PPM1E: variants seen among roughly 807,000 people sequenced by gnomAD.
The protein encoded by PPM1E is protein phosphatase 1E.
A neutral mutation model predicts 65.9 loss-of-function variants in PPM1E; 20 were observed. The observed-to-expected ratio is 0.30, with a 90% CI of 0.21 to 0.44. The LOEUF is 0.44. Ranked by LOEUF, PPM1E falls within the 20% of genes least tolerant of loss-of-function variation. The pLI is 1.00. For missense variants in PPM1E, 713 were observed against 953.1 expected (o/e 0.75, Z 3.32); for synonymous variants, 352 against 374.9 (o/e 0.94, Z 0.70).
rs200405305 is a variant in PPM1E, at chr17:58,831,904, G to A, written c.464+75443G>A. Among the ~76,000 whole-genome samples, 13 of 152,258 alleles carry A rather than the reference G, an allele frequency of 8.5e-5. No individual in the cohort carries two copies. The East Asian group carries it at 2.5e-3, about 29-fold the overall frequency. ...ATACATGTGTGCAGTCTGCTATTTT[G>A]AATCAGAAGTCCTGAAAGTCCAACA... On this transcript the variant is annotated intron_variant, in intron 1 of 6. Transcript: ENST00000308249.
chr17:58,880,865 C>T lies in PPM1E; in HGVS notation c.465-74784C>T, dbSNP rs192702956. ...CTGGTCTCAAACTCCTGAGCTCAAG[C>T]AATTTTTTTTTAAACTGGTGATGGT... On this transcript the variant is annotated intron_variant, in intron 1 of 6. Coordinates refer to ENST00000308249, the MANE Select transcript of PPM1E (RefSeq NM_014906.5). Among the ~76,000 whole-genome samples the T allele has an allele frequency of 8.6e-5, 13 of 152,024 alleles. No individual in the cohort carries two copies. The East Asian group carries it at 2.3e-3, about 27-fold the overall frequency.
chr17:58,884,970 T>C (rs1310585128), intron 1 of PPM1E, among the ~76,000 whole-genome samples: 3 of 152,258 alleles, frequency 2.0e-5, no homozygotes, highest in African/African-American at 7.2e-5. Flanking sequence ...AGTATCTTAT[T>C]TTTCTTTCAT....
At chr17:58,797,976 G>T (rs181966515) in intron 1 of PPM1E, among the ~76,000 whole-genome samples, 1 of 152,116 alleles carries the variant, frequency 6.6e-6, no homozygotes, top group African/African-American at 2.4e-5. Context: ...GGCTAGTCTC[G>T]TGGGCATGTA....
Position 58,985,126 on chromosome 17 carries a change from T to C in PPM1E, c.*4095T>C, listed in dbSNP as rs1163962930. On this transcript the variant is annotated 3_prime_UTR_variant, in exon 7 of 7. Coordinates refer to ENST00000308249, the MANE Select transcript of PPM1E (RefSeq NM_014906.5). ...ATTAAAAGTGTTCATTCAGGTAAGG[T>C]GTATGTTGAAATTTTGCCAATTATC... 6.5e-6 allele frequency: 1 copy of C among 152,674 alleles called. No individual in the cohort carries two copies. Among genetic ancestry groups the C allele is most frequent in the African/African-American group, 2.4e-5 (1 of 41,462 alleles). The allele number at this position is 152,674 out of a possible 1,614,324, so 9.5% of individuals were successfully genotyped here.
At chr17:58,976,979 T>C (rs564187551) in intron 6 of PPM1E, among the ~76,000 whole-genome samples, 32 of 152,284 alleles carry the variant, frequency 2.1e-4, no homozygotes, top group Admixed American at 1.0e-3. Context: ...GAATCCCATA[T>C]TGGATTTTAT....
At chr17:58,899,187 G>GA (rs954275159) in intron 1 of PPM1E, among the ~76,000 whole-genome samples, 34 of 150,782 alleles carry the variant, frequency 2.3e-4, no homozygotes, top group Non-Finnish European at 3.0e-5. Context: ...AAAAAAGAAT[G>GA]AAAAAAAAAT....
chr17:58,775,424 T>C (rs1229901456), intron 1 of PPM1E, among the ~76,000 whole-genome samples: 1 of 152,132 alleles, frequency 6.6e-6, no homozygotes, highest in Non-Finnish European at 1.5e-5. Flanking sequence ...TATAATAATG[T>C]TATTATTGTA....
intron 1 of PPM1E, among the ~76,000 whole-genome samples, chr17:58,947,512 C>T (rs374722408): frequency 2.7e-5 from 4 of 149,926 alleles, no homozygotes; most frequent in Non-Finnish European, 4.4e-5. Context: ...GCTGGGATTA[C>T]GGGTACGAGA....
intron 1 of PPM1E, among the ~76,000 whole-genome samples, chr17:58,851,982 G>A (rs1018681681): frequency 5.9e-5 from 9 of 152,216 alleles, no homozygotes; most frequent in African/African-American, 1.9e-4. Context: ...AGCAATGGTG[G>A]TTGCCCCTTC....
At chr17:58,838,545 ACT>A (rs991228397) in intron 1 of PPM1E, among the ~76,000 whole-genome samples, 1 of 152,068 alleles carries the variant, frequency 6.6e-6, no homozygotes, top group African/African-American at 2.4e-5. Flanking sequence ...AACAAAAGAA[ACT>A]CTCATCTTTG....
intron 1 of PPM1E, among the ~76,000 whole-genome samples, chr17:58,884,506 T>C (rs1265075448): frequency 6.6e-6 from 1 of 152,214 alleles, no homozygotes; most frequent in Admixed American, 6.5e-5. Context: ...GGATTATGTA[T>C]TTTAAAATTT....
At chr17:58,973,017 TTA>T (rs1457704928) in intron 6 of PPM1E, 92 bp downstream of exon 6, 2 of 784,074 alleles carry the variant, frequency 2.6e-6, no homozygotes, top group East Asian at 2.5e-5. Context: ...AGATGATAAT[TTA>T]TGTTACCAGA....
intron 2 of PPM1E, among the ~76,000 whole-genome samples, chr17:58,963,640 C>T (rs944366077): frequency 6.6e-6 from 1 of 151,936 alleles, no homozygotes. Flanking sequence ...ACCCAGGAGG[C>T]GAAGCTTACA....
intron 1 of PPM1E, among the ~76,000 whole-genome samples, chr17:58,890,942 G>A (rs1461749735): frequency 6.6e-6 from 1 of 151,986 alleles, no homozygotes; most frequent in Non-Finnish European, 1.5e-5. Flanking sequence ...TTAACACAGG[G>A]ACTAACACAC....
chr17:58,979,182 C>T (rs1246988102), intron 6 of PPM1E, among the ~76,000 whole-genome samples: 1 of 152,088 alleles, frequency 6.6e-6, no homozygotes, highest in African/African-American at 2.4e-5. Flanking sequence ...TGCACAATAA[C>T]AATAAAGACA....
chr17:58,882,310 A>G (rs1239658995), intron 1 of PPM1E, among the ~76,000 whole-genome samples: 2 of 151,982 alleles, frequency 1.3e-5, no homozygotes, highest in Non-Finnish European at 2.9e-5. Flanking sequence ...TTTACATACT[A>G]TTTCTATATA....
chr17:58,980,144 A>G lies in PPM1E; in HGVS notation c.1381A>G (p.Ser461Gly). 6.2e-7 allele frequency: 1 copy of G among 1,614,176 alleles called. No homozygotes were observed. Among genetic ancestry groups the G allele is most frequent in the Non-Finnish European group, 8.5e-7 (1 of 1,180,020 alleles). The change falls in exon 7 of 7, where the codon AGC (serine) becomes GGC (glycine). Residue 461 changes from serine (S) to glycine (G), a missense_variant. Physicochemically the swap from Ser to Gly is moderately conservative, Grantham distance 56 (BLOSUM62 0). Transcript: ENST00000308249. The surrounding 1 kb of genome is among the most constrained non-coding windows in gnomAD (Gnocchi z 4.7). ...SDHLKENNGD[S>G]SMVAHKLVAS... ...CCACCTGAAAGAGAATAATGGAGAC[A>G]GCAGCATGGTTGCCCACAAATTAGT...
At chr17:58,925,512 C>T (rs2143549551) in intron 1 of PPM1E, among the ~76,000 whole-genome samples, 1 of 152,140 alleles carries the variant, frequency 6.6e-6, no homozygotes, top group South Asian at 2.1e-4. Flanking sequence ...GTGATCTCGG[C>T]TCACTGCAAG....
intron 4 of PPM1E, among the ~76,000 whole-genome samples, chr17:58,970,687 G>A (rs939052544): frequency 1.3e-5 from 2 of 152,024 alleles, no homozygotes; most frequent in Non-Finnish European, 2.9e-5. Flanking sequence ...CCTAAGTTTG[G>A]ATTAATATGC....
Sources: gnomAD v4.1 joint callset for allele counts (sites outside exome capture counted in the v4.1 genomes callset) on GRCh38, gnomAD v4.1.1 for gene constraint, Gnocchi (gnomAD v3.1) non-coding constraint, MANE v1.5 for transcripts, NCBI Gene and HGNC (gene_info 2026-07-23, HGNC 2026-07-21) for gene names.